Variants in CSMD1 observed in about 807,000 individuals in gnomAD.
CSMD1 encodes CUB and sushi domain-containing protein 1.
CSMD1 carries 213 observed loss-of-function variants against 417.5 expected under a neutral mutation model. That is an observed-to-expected ratio of 0.51 (90% CI 0.46 to 0.57). The LOEUF is 0.57. Among genes scored for constraint, CSMD1 ranks in the 20% least tolerant of loss-of-function variants. CSMD1 has a pLI of 0.00. For missense variants in CSMD1, 6,923 were observed against 4,529.7 expected (o/e 1.53, Z -15.17); for synonymous variants, 2,862 against 1,736.8 (o/e 1.65, Z -16.11).
chr8:4,193,071 T>C (rs144337242), intron 3 of CSMD1, among the ~76,000 whole-genome samples: 40 of 152,352 alleles, frequency 2.6e-4, no homozygotes, highest in African/African-American at 9.1e-4. Flanking sequence ...TTATTTGAAA[T>C]ACATCTTTTG....
At chr8:4,909,166 C>A (rs890200349) in intron 1 of CSMD1, among the ~76,000 whole-genome samples, 1 of 152,120 alleles carries the variant, frequency 6.6e-6, no homozygotes. Flanking sequence ...CTGGCAGGGC[C>A]TTCTGCTGTA....
intron 1 of CSMD1, among the ~76,000 whole-genome samples, chr8:4,780,040 A>G (rs1264290635): frequency 6.6e-6 from 1 of 152,122 alleles, no homozygotes; most frequent in Non-Finnish European, 1.5e-5. Context: ...AAGCCATTCA[A>G]TTCTGAGACC....
chr8:3,778,369 C>A (rs192313111), intron 5 of CSMD1, among the ~76,000 whole-genome samples: 1 of 152,178 alleles, frequency 6.6e-6, no homozygotes, highest in South Asian at 2.1e-4. Context: ...GGAATCATTT[C>A]GGTAAGAAGA....
Position 3,214,689 on chromosome 8 carries a change from T to C in CSMD1, c.4675A>G (p.Lys1559Glu). Residue 1559 changes from lysine to glutamate, a missense_variant and splice_region_variant, in exon 30 of 70, where the codon AAA becomes GAA. Physicochemically the swap from Lys to Glu is moderately conservative, Grantham distance 56 (BLOSUM62 1). Transcript: ENST00000635120. The stretch of plus-strand genomic sequence containing the variant: ...GGGTCAAAACAAGCTTCCCGTGGTT[T>C]CTCTGTGGAAGAAATGAATGTAAAC... ...LSGFAIEFKE[K>E]PREACFDPGN... 1.3e-6 allele frequency: 2 copies of C among 1,549,440 alleles called. No individual in the cohort carries two copies. The highest frequency in any genetic ancestry group is 1.7e-6 in the Non-Finnish European group (2 of 1,145,956).
At chr8:3,401,204 G>A (rs779318867) in intron 15 of CSMD1, among the ~76,000 whole-genome samples, 3 of 151,864 alleles carry the variant, frequency 2.0e-5, no homozygotes. Context: ...GGCAGATGCA[G>A]AATTCCAAAA....
intron 5 of CSMD1, among the ~76,000 whole-genome samples, chr8:3,946,367 C>G (rs2627520): frequency 3.2e-4 from 49 of 152,008 alleles, no homozygotes; most frequent in African/African-American, 1.2e-3. Flanking sequence ...CACGTATGTG[C>G]TGGCCTGTCT....
At chr8:3,959,124 C>T (rs1243381543) in intron 5 of CSMD1, among the ~76,000 whole-genome samples, 1 of 152,206 alleles carries the variant, frequency 6.6e-6, no homozygotes, top group African/African-American at 2.4e-5. Flanking sequence ...TTATATCGCA[C>T]ACCAGTCTTT....
intron 5 of CSMD1, among the ~76,000 whole-genome samples, chr8:3,814,014 C>A (rs1414255617): frequency 1.3e-5 from 2 of 152,112 alleles, no homozygotes; most frequent in Admixed American, 6.5e-5. Context: ...CAGATTAATG[C>A]AACAGATTAA....
At chr8:3,947,458 T>C (rs1366700540) in intron 5 of CSMD1, among the ~76,000 whole-genome samples, 1 of 152,222 alleles carries the variant, frequency 6.6e-6, no homozygotes, top group Non-Finnish European at 1.5e-5. Flanking sequence ...TTTTCTGTTT[T>C]CGTTTCATCC....
At chr8:3,835,567 G>T (rs1166905265) in intron 5 of CSMD1, among the ~76,000 whole-genome samples, 1 of 152,080 alleles carries the variant, frequency 6.6e-6, no homozygotes, top group Non-Finnish European at 1.5e-5. Flanking sequence ...AGGGACTGTT[G>T]TGGGGAGCGG....
At chr8:3,693,274 C>G (rs146179120) in intron 7 of CSMD1, among the ~76,000 whole-genome samples, 2 of 152,058 alleles carry the variant, frequency 1.3e-5, no homozygotes, top group African/African-American at 4.8e-5. Context: ...TGCAAGGTCA[C>G]TTATCAATGA....
chr8:3,786,682 T>G (rs2129065548), intron 5 of CSMD1, among the ~76,000 whole-genome samples: 1 of 152,278 alleles, frequency 6.6e-6, no homozygotes, highest in East Asian at 1.9e-4. Context: ...CTTTGTGGCT[T>G]AAACGAAAAC....
chr8:3,729,600 C>A (rs535825761), intron 6 of CSMD1, among the ~76,000 whole-genome samples: 1 of 152,114 alleles, frequency 6.6e-6, no homozygotes, highest in Non-Finnish European at 1.5e-5. Context: ...CTGCTGGAAG[C>A]CATTAGCAGA....
intron 25 of CSMD1, among the ~76,000 whole-genome samples, chr8:3,287,747 A>G (rs946382087): frequency 2.0e-4 from 31 of 152,264 alleles, no homozygotes; most frequent in African/African-American, 7.5e-4. Flanking sequence ...GTCATCTGCC[A>G]ACAGGGACAA....
intron 20 of CSMD1, among the ~76,000 whole-genome samples, 178 bp from the exon 21 acceptor site, chr8:3,359,518 G>A (rs1809016578): frequency 6.8e-6 from 1 of 146,524 alleles, no homozygotes; most frequent in Non-Finnish European, 1.5e-5. Flanking sequence ...ACTGTCTTAT[G>A]ACAAATGACA....
intron 2 of CSMD1, among the ~76,000 whole-genome samples, chr8:4,572,592 G>A (rs767569038): frequency 9.2e-5 from 14 of 152,076 alleles, no homozygotes; most frequent in Non-Finnish European, 1.8e-4. Context: ...ATGATTATGT[G>A]TCTTGGGGTT....
At chr8:3,896,788 C>T (rs1307758473) in intron 5 of CSMD1, among the ~76,000 whole-genome samples, 1 of 151,938 alleles carries the variant, frequency 6.6e-6, no homozygotes, top group Non-Finnish European at 1.5e-5. Context: ...AGTATATTGT[C>T]TGAGAGTCTG....
chr8:3,803,384 C>G (rs1340705594), intron 5 of CSMD1, among the ~76,000 whole-genome samples: 1 of 152,144 alleles, frequency 6.6e-6, no homozygotes, highest in African/African-American at 2.4e-5. Context: ...ATCACTGAAC[C>G]CACGCTGGAG....
In CSMD1 at chr8:4,265,311, G is replaced by A. The variant is rs536451103; in HGVS notation, c.415+154642C>T. Reference sequence around the variant, plus strand: ...AAATAGTGAGATTAAAAACATATACGTTAGGGAAAAATTCTATCAGCATTT... The same window carrying A: ...AAATAGTGAGATTAAAAACATATACATTAGGGAAAAATTCTATCAGCATTT... On this transcript the variant is annotated intron_variant, in intron 3 of 69. Transcript: ENST00000635120. 1.6e-4 allele frequency among the ~76,000 whole-genome samples: 24 copies of A among 151,902 alleles called. No individual in the cohort carries two copies. In the East Asian group the frequency reaches 3.1e-3, roughly 20 times the overall value.
Sources: allele counts gnomAD v4.1 joint callset (sites outside exome capture counted in the v4.1 genomes callset), GRCh38; gene constraint gnomAD v4.1.1; transcripts MANE v1.5; gene names NCBI Gene and HGNC (gene_info 2026-07-23, HGNC 2026-07-21).